Variants in DCC observed in about 807,000 individuals in gnomAD.
DCC encodes the protein DCC netrin 1 receptor.
In DCC, 58 loss-of-function variants were observed where a neutral mutation model predicts 172.5. The ratio of observed to expected loss-of-function variants is 0.34; its 90% CI spans 0.27 to 0.42. The LOEUF (loss-of-function observed/expected upper bound fraction) is 0.42, where lower values mean the gene tolerates loss of function less well. DCC is among the 10% of genes least tolerant of loss of function. DCC has a pLI of 1.00. For missense variants in DCC, 1,740 were observed against 1,791.0 expected (o/e 0.97, Z 0.51); for synonymous variants, 709 against 644.5 (o/e 1.10, Z -1.52).
intron 7 of DCC, among the ~76,000 whole-genome samples, chr18:53,070,910 T>C (rs1482903610): frequency 3.3e-5 from 5 of 152,190 alleles, no homozygotes; most frequent in Non-Finnish European, 1.5e-5. Context: ...CGTGCACAGA[T>C]GGTAGAGAGG....
intron 1 of DCC, among the ~76,000 whole-genome samples, chr18:52,558,602 G>C (rs541956705): frequency 1.3e-5 from 2 of 152,112 alleles, no homozygotes; most frequent in African/African-American, 4.8e-5. Flanking sequence ...TAGAAACTTG[G>C]TGAGGTCAGT....
intron 12 of DCC, among the ~76,000 whole-genome samples, chr18:53,260,069 C>T (rs2056575771): frequency 6.6e-6 from 1 of 152,154 alleles, no homozygotes; most frequent in Non-Finnish European, 1.5e-5. Flanking sequence ...CCTTTAAGGA[C>T]TTCCCTGCAT....
chr18:52,780,545 C>T (rs1016172442), intron 2 of DCC, among the ~76,000 whole-genome samples: 2 of 151,818 alleles, frequency 1.3e-5, no homozygotes, highest in Admixed American at 1.3e-4. Flanking sequence ...AACTGAAGAC[C>T]CCCCAAAGCA....
chr18:52,733,293 G>A (rs1320063216), intron 1 of DCC, among the ~76,000 whole-genome samples: 2 of 152,070 alleles, frequency 1.3e-5, no homozygotes, highest in Admixed American at 6.6e-5. Context: ...CATGATTCAC[G>A]TATCATTTTT....
intron 1 of DCC, among the ~76,000 whole-genome samples, chr18:52,365,152 CT>C (rs1984790990): frequency 6.6e-6 from 1 of 152,258 alleles, no homozygotes; most frequent in Non-Finnish European, 1.5e-5. Context: ...GCTCTCTGAT[CT>C]TAAGAAGATT....
chr18:52,402,588 CTTCT>C (rs893538818), intron 1 of DCC, among the ~76,000 whole-genome samples: 1 of 151,908 alleles, frequency 6.6e-6, no homozygotes, highest in Admixed American at 6.6e-5. Context: ...TTTCTTTTTT[CTTCT>C]TTCTGTCTGT....
rs56355500 is a variant in DCC, at chr18:53,309,964, GTA to G, written c.2053+4262_2053+4263del. Among the ~76,000 whole-genome samples, 44 of 137,228 alleles carry G rather than the reference GTA, an allele frequency of 3.2e-4. 1 individual carries two copies. Among genetic ancestry groups the G allele is most frequent in the Non-Finnish European group, 3.7e-4 (24 of 65,304 alleles). 90.0% of individuals were successfully genotyped at this position (137,228 alleles called of 152,430 possible). A position where few individuals can be genotyped will look rare whatever the true frequency, so the allele number is the denominator to read the frequency against. On this transcript the variant is annotated intron_variant, in intron 13 of 28. Coordinates refer to ENST00000442544, the MANE Select transcript of DCC (RefSeq NM_005215.4). ...TATATACATGTATATATACGTGTGTGTATATATATATATATATACTCTTTCTA... is the reference window on the plus strand; with the variant it reads ...TATATACATGTATATATACGTGTGTGTATATATATATATATACTCTTTCTA...
At chr18:52,885,227 G>T (rs2039552188) in intron 2 of DCC, among the ~76,000 whole-genome samples, 2 of 152,284 alleles carry the variant, frequency 1.3e-5, no homozygotes, top group East Asian at 1.9e-4. Context: ...AGTCATGTTT[G>T]TTCTCCTCCC....
At chr18:53,267,638 T>C (rs777099319) in intron 12 of DCC, among the ~76,000 whole-genome samples, 9 of 152,098 alleles carry the variant, frequency 5.9e-5, no homozygotes, top group Admixed American at 1.3e-4. Context: ...TTTTTTAGTT[T>C]TATTTTTTGT....
At chr18:52,614,951 T>C (rs1312486808) in intron 1 of DCC, among the ~76,000 whole-genome samples, 1 of 152,146 alleles carries the variant, frequency 6.6e-6, no homozygotes, top group East Asian at 1.9e-4. Flanking sequence ...CTCCCCCTTT[T>C]CACTCCGTTT....
intron 13 of DCC, among the ~76,000 whole-genome samples, chr18:53,306,586 C>T (rs2057203042): frequency 6.6e-6 from 1 of 152,196 alleles, no homozygotes; most frequent in Non-Finnish European, 1.5e-5. Flanking sequence ...TGAGCAGTTG[C>T]TCTCTTGTTT....
At chr18:53,083,325 A>T (rs1029078327) in intron 7 of DCC, among the ~76,000 whole-genome samples, 2 of 152,134 alleles carry the variant, frequency 1.3e-5, no homozygotes, top group Non-Finnish European at 2.9e-5. Context: ...AATTGGCTAT[A>T]AGTAAAATTT....
At chr18:52,522,708 G>C (rs896918500) in intron 1 of DCC, among the ~76,000 whole-genome samples, 1 of 152,106 alleles carries the variant, frequency 6.6e-6, no homozygotes, top group Non-Finnish European at 1.5e-5. Flanking sequence ...ATGTATAAAT[G>C]TCTCATAGCT....
chr18:53,347,352 T>TG (rs2057737657), intron 15 of DCC, among the ~76,000 whole-genome samples: 2 of 152,186 alleles, frequency 1.3e-5, no homozygotes, highest in African/African-American at 4.8e-5. Flanking sequence ...TTTTGGTTTT[T>TG]GGGGGGATTG....
At chr18:53,041,318 G>T (rs895335658) in intron 5 of DCC, among the ~76,000 whole-genome samples, 1 of 151,928 alleles carries the variant, frequency 6.6e-6, no homozygotes, top group Non-Finnish European at 1.5e-5. Flanking sequence ...AAGATCAGAT[G>T]GTTGTAGATG....
intron 21 of DCC, among the ~76,000 whole-genome samples, chr18:53,428,325 A>T (rs28972095): frequency 0.053 from 2,947 of 55,958 alleles, 375 homozygotes; most frequent in African/African-American, 0.17. Context: ...ATATAATATA[A>T]TATAATATAT....
intron 1 of DCC, among the ~76,000 whole-genome samples, chr18:52,532,237 A>G (rs943843727): frequency 1.3e-5 from 2 of 152,216 alleles, no homozygotes; most frequent in Non-Finnish European, 2.9e-5. Flanking sequence ...AAAAAGTTCA[A>G]AAAAAGCATC....
intron 6 of DCC, among the ~76,000 whole-genome samples, chr18:53,064,689 T>C (rs140018613): frequency 2.0e-5 from 3 of 152,196 alleles, no homozygotes; most frequent in Admixed American, 1.3e-4. Flanking sequence ...TTTTCACTTT[T>C]AGTTGCATTT....
chr18:52,410,118 T>C (rs1236420454), intron 1 of DCC, among the ~76,000 whole-genome samples: 6 of 152,090 alleles, frequency 3.9e-5, no homozygotes, highest in African/African-American at 1.4e-4. Context: ...AAATCTTTGT[T>C]TTTCCCCTTC....
Sources: gnomAD v4.1 joint callset for allele counts (sites outside exome capture counted in the v4.1 genomes callset) on GRCh38, gnomAD v4.1.1 for gene constraint, MANE v1.5 for transcripts, NCBI Gene and HGNC (gene_info 2026-07-23, HGNC 2026-07-21) for gene names.